Variants in VPS54 observed in about 807,000 individuals in gnomAD.
VPS54 encodes the protein vacuolar protein sorting-associated protein 54.
VPS54 carries 45 observed loss-of-function variants against 121.5 expected under a neutral mutation model. The ratio of observed to expected loss-of-function variants is 0.37; its 90% CI spans 0.29 to 0.47. VPS54 has a LOEUF of 0.47. VPS54 is among the 20% of genes least tolerant of loss of function. The probability of loss-of-function intolerance (pLI) is 0.99; values close to 1 mark genes in which losing one functional copy is unlikely to be tolerated. For synonymous variants in VPS54, 371 were observed against 385.8 expected, an observed-to-expected ratio of 0.96 and a Z score of 0.45; for missense variants, 1,090 against 1,131.4, an observed-to-expected ratio of 0.96 and a Z score of 0.52.
intron 20 of VPS54, among the ~76,000 whole-genome samples, chr2:63,911,672 C>G (rs1006811364): frequency 1.3e-5 from 2 of 152,160 alleles, no homozygotes; most frequent in African/African-American, 4.8e-5. Flanking sequence ...ATTTCGGAAT[C>G]TGAAGGATGC....
intron 1 of VPS54, among the ~76,000 whole-genome samples, chr2:64,003,154 A>G (rs1677963216): frequency 6.6e-6 from 1 of 152,330 alleles, no homozygotes; most frequent in South Asian, 2.1e-4. Flanking sequence ...TTGTCTACTC[A>G]GAAAAAAAAT....
chr2:63,930,586 C>G (rs572616649), intron 12 of VPS54, among the ~76,000 whole-genome samples: 1 of 152,298 alleles, frequency 6.6e-6, no homozygotes, highest in South Asian at 2.1e-4. Flanking sequence ...TGGAAGCATT[C>G]ACTTTGAAAA....
rs570338081 is a variant in VPS54 at position 63,966,115 on chromosome 2, A to T, written c.493-149T>A. On this transcript the variant is annotated intron_variant, in intron 5 of 22. Transcript: ENST00000272322. Reference sequence around the variant, plus strand: ...GATAACAGTTGAGTTCTTTACACAAATATCTATAAGAAAAATGTGTAAATT... The same window carrying T: ...GATAACAGTTGAGTTCTTTACACAATTATCTATAAGAAAAATGTGTAAATT... 28 of 752,220 alleles carry T rather than the reference A, an allele frequency of 3.7e-5. No individual in the cohort carries two copies. In the South Asian group the frequency reaches 5.4e-4, roughly 15 times the overall value. The allele number at this position is 752,220 out of a possible 1,614,324, so 46.6% of individuals were successfully genotyped here. A position where few individuals can be genotyped will look rare whatever the true frequency, so the allele number is the denominator to read the frequency against.
chr2:63,976,843 T>A (rs1413407309), intron 3 of VPS54, among the ~76,000 whole-genome samples: 2 of 147,556 alleles, frequency 1.4e-5, no homozygotes, highest in Non-Finnish European at 3.0e-5. Context: ...TTTTTTTTTT[T>A]TTTGAGACAG....
intron 3 of VPS54, among the ~76,000 whole-genome samples, chr2:63,976,936 C>A (rs1676563958): frequency 6.9e-6 from 1 of 144,650 alleles, no homozygotes; most frequent in Non-Finnish European, 1.5e-5. Flanking sequence ...TCACGTGATT[C>A]TCTTGCCTCA....
intron 1 of VPS54, among the ~76,000 whole-genome samples, chr2:64,006,391 G>A (rs6736718): frequency 0.03 from 4,593 of 152,172 alleles, 242 homozygotes; most frequent in African/African-American, 0.11. Context: ...CTTGTAAAAC[G>A]ATATACTAGT....
chr2:63,998,816 G>A (rs189719124), intron 1 of VPS54, among the ~76,000 whole-genome samples: 2 of 151,826 alleles, frequency 1.3e-5, no homozygotes, highest in African/African-American at 2.4e-5. Context: ...CTCTAATTAA[G>A]GCTAGTTTAC....
chr2:63,975,041 T>C, intron 3 of VPS54: 1 of 1,548,890 alleles, frequency 6.5e-7, no homozygotes. Flanking sequence ...ACAGAGTTTT[T>C]GTAGATTTTT....
intron 1 of VPS54, among the ~76,000 whole-genome samples, chr2:64,014,153 T>A (rs1678574669): frequency 6.6e-6 from 1 of 152,206 alleles, no homozygotes; most frequent in African/African-American, 2.4e-5. Context: ...ATTTCTTCAG[T>A]TAAATTCTCA....
At chr2:64,014,649 A>C (rs1240821206) in intron 1 of VPS54, among the ~76,000 whole-genome samples, 1 of 152,248 alleles carries the variant, frequency 6.6e-6, no homozygotes, top group Non-Finnish European at 1.5e-5. Flanking sequence ...TGCCTTTGAC[A>C]ACCTCTATAT....
intron 12 of VPS54, among the ~76,000 whole-genome samples, chr2:63,924,705 T>G (rs1448913550): frequency 6.6e-6 from 1 of 152,096 alleles, no homozygotes; most frequent in African/African-American, 2.4e-5. Flanking sequence ...ACTATGACAA[T>G]TTTACTTAAT....
chr2:63,954,710 CTT>C, intron 7 of VPS54, among the ~76,000 whole-genome samples: 1 of 152,114 alleles, frequency 6.6e-6, no homozygotes. Context: ...ATTAGGTGCT[CTT>C]GTTAAAAAGT....
chr2:63,940,254 A>C (rs10197962), intron 11 of VPS54, among the ~76,000 whole-genome samples: 223 of 152,300 alleles, frequency 1.5e-3, no homozygotes, highest in African/African-American at 4.9e-3. Flanking sequence ...AACAGCTTGT[A>C]ATTAACATTA....
chr2:63,963,905 TAAAG>T lies in VPS54; in HGVS notation c.625-1466_625-1463del, dbSNP rs549669107. ...ACTGTTTAACAGGGCCATAATAAAA[TAAAG>T]AATTTTGCTAGAAAGTAAATCAACT... On this transcript the variant is annotated intron_variant, in intron 6 of 22. Coordinates refer to ENST00000272322, the MANE Select transcript of VPS54 (RefSeq NM_016516.3). 1.1e-3 allele frequency among the ~76,000 whole-genome samples: 169 copies of T among 152,274 alleles called. 1 individual carries two copies. Among genetic ancestry groups the T allele is most frequent in the Admixed American group, 2.9e-3 (45 of 15,300 alleles).
intron 3 of VPS54, among the ~76,000 whole-genome samples, chr2:63,978,268 T>C (rs544893653): frequency 2.6e-5 from 4 of 152,312 alleles, no homozygotes; most frequent in African/African-American, 9.6e-5. Flanking sequence ...AAAGGGGTTG[T>C]AGCACTTTAA....
chr2:63,975,129 T>G, intron 3 of VPS54: 1 of 1,126,300 alleles, frequency 8.9e-7, no homozygotes, highest in Non-Finnish European at 1.2e-6. Flanking sequence ...CACTGCAACC[T>G]CCACCTCCTG....
intron 7 of VPS54, among the ~76,000 whole-genome samples, chr2:63,954,499 G>C (rs917870390): frequency 1.4e-4 from 21 of 152,034 alleles, no homozygotes; most frequent in African/African-American, 4.6e-4. Context: ...GTCCTTCAAA[G>C]GGTGACCAAA....
chr2:63,972,015 A>AGTTCTTAGAAAATATTATAATCATAG (rs1332354996), intron 4 of VPS54, 151 bp downstream of exon 4: 1 of 421,750 alleles, frequency 2.4e-6, no homozygotes, highest in African/African-American at 2.0e-5. Flanking sequence ...TTCTCTTAGA[A>AGTTCTTAGAAAATATTATAATCATAG]GTTCTTAGAA....
At chr2:63,975,064 G>A in intron 3 of VPS54, 1 of 1,537,264 alleles carries the variant, frequency 6.5e-7, no homozygotes, top group Non-Finnish European at 8.8e-7. Flanking sequence ...TTTCTTTTTT[G>A]AGACAGAGTC....
Sources: allele counts gnomAD v4.1 joint callset (sites outside exome capture counted in the v4.1 genomes callset), GRCh38; gene constraint gnomAD v4.1.1; transcripts MANE v1.5; gene names NCBI Gene and HGNC (gene_info 2026-07-23, HGNC 2026-07-21).